ADCY2: variants seen among roughly 807,000 people sequenced by gnomAD.
ADCY2 encodes adenylate cyclase type 2.
A neutral mutation model predicts 125.2 loss-of-function variants in ADCY2; 31 were observed. The ratio of observed to expected loss-of-function variants is 0.25; its 90% CI spans 0.19 to 0.33. ADCY2 has a LOEUF of 0.33. Among genes scored for constraint, ADCY2 ranks in the 10% least tolerant of loss-of-function variants. The probability of loss-of-function intolerance (pLI) is 1.00; values close to 1 mark genes in which losing one functional copy is unlikely to be tolerated. For missense variants in ADCY2, 904 were observed against 1,418.2 expected, an observed-to-expected ratio of 0.64 and a Z score of 5.82; for synonymous variants, 512 against 548.4, an observed-to-expected ratio of 0.93 and a Z score of 0.93.
At chr5:7,501,412 T>C (rs1391844005) in intron 2 of ADCY2, among the ~76,000 whole-genome samples, 1 of 152,184 alleles carries the variant, frequency 6.6e-6, no homozygotes, top group Non-Finnish European at 1.5e-5. Flanking sequence ...TATTAAGATA[T>C]TGATGCTTTT....
chr5:7,544,293 T>A (rs1409840944), intron 3 of ADCY2, among the ~76,000 whole-genome samples: 2 of 152,202 alleles, frequency 1.3e-5, no homozygotes, highest in East Asian at 3.9e-4. Context: ...ATACACATTT[T>A]ACAGTGTTGG....
At chr5:7,457,142 A>T (rs1050300257) in intron 2 of ADCY2, among the ~76,000 whole-genome samples, 6 of 152,200 alleles carry the variant, frequency 3.9e-5, no homozygotes, top group African/African-American at 1.4e-4. Flanking sequence ...GAAATTTTTT[A>T]CAGAATGTCC....
chr5:7,455,094 G>A (rs913062112), intron 2 of ADCY2, among the ~76,000 whole-genome samples: 5 of 152,078 alleles, frequency 3.3e-5, no homozygotes, highest in Non-Finnish European at 7.4e-5. Flanking sequence ...GTGAAATTGG[G>A]TTTTCTTCTT....
At chr5:7,797,393 A>C (rs1744454516) in intron 20 of ADCY2, 2 of 152,252 alleles carry the variant, frequency 1.3e-5, no homozygotes, top group South Asian at 2.1e-4. Flanking sequence ...AGAACACTCC[A>C]ACCCCCATGC....
intron 4 of ADCY2, among the ~76,000 whole-genome samples, chr5:7,667,158 A>T (rs149440528): frequency 6.6e-6 from 1 of 152,164 alleles, no homozygotes; most frequent in Non-Finnish European, 1.5e-5. Flanking sequence ...AGAAGGGGAG[A>T]GGATTACTGC....
At chr5:7,776,697 G>T (rs1560981143) in intron 18 of ADCY2, among the ~76,000 whole-genome samples, 1 of 152,188 alleles carries the variant, frequency 6.6e-6, no homozygotes. Flanking sequence ...CCCACCCTCA[G>T]TGTGATGGGC....
chr5:7,816,736 T>A, intron 22 of ADCY2, 130 bp from the exon 23 acceptor site: 1 of 678,092 alleles, frequency 1.5e-6, no homozygotes, highest in South Asian at 1.8e-5. Context: ...TTATAGAATG[T>A]TTGCAGTGCC....
chr5:7,720,695 CT>C (rs1741730618), intron 12 of ADCY2, among the ~76,000 whole-genome samples: 1 of 152,106 alleles, frequency 6.6e-6, no homozygotes, highest in Non-Finnish European at 1.5e-5. Flanking sequence ...TGATTTCCAG[CT>C]TCATCCATGT....
chr5:7,786,336 C>T (rs1744081450), intron 19 of ADCY2, among the ~76,000 whole-genome samples: 2 of 152,158 alleles, frequency 1.3e-5, no homozygotes, highest in Admixed American at 1.3e-4. Flanking sequence ...AGGTATATCA[C>T]AAAACACTCC....
chr5:7,623,974 T>C (rs1273060376), intron 3 of ADCY2, among the ~76,000 whole-genome samples: 1 of 152,152 alleles, frequency 6.6e-6, no homozygotes, highest in Admixed American at 6.5e-5. Flanking sequence ...AACTGGACAT[T>C]ATGGGGGTTA....
At chr5:7,623,604 T>C (rs1738027754) in intron 3 of ADCY2, among the ~76,000 whole-genome samples, 2 of 152,258 alleles carry the variant, frequency 1.3e-5, no homozygotes, top group Admixed American at 1.3e-4. Context: ...AGGACTGACA[T>C]TCCCAGAAAA....
chr5:7,632,634 T>C (rs1364030708), intron 4 of ADCY2, among the ~76,000 whole-genome samples: 1 of 152,180 alleles, frequency 6.6e-6, no homozygotes, highest in Non-Finnish European at 1.5e-5. Context: ...CATCACAGTG[T>C]TTGCTATTCC....
intron 3 of ADCY2, among the ~76,000 whole-genome samples, chr5:7,563,352 T>C (rs897328293): frequency 6.6e-6 from 1 of 152,172 alleles, no homozygotes; most frequent in African/African-American, 2.4e-5. Context: ...GAGCATACCC[T>C]GCAAAAGAAA....
chr5:7,654,721 A>T lies in ADCY2; in HGVS notation c.720+28405A>T, dbSNP rs1365235591. The stretch of plus-strand genomic sequence containing the variant: ...TTCCTTGCCCTCCACCCATGCAAAC[A>T]CAGAGGGGTGGAAAACGGGAGCAGT... On this transcript the variant is annotated intron_variant, in intron 4 of 24. Coordinates refer to ENST00000338316, the MANE Select transcript of ADCY2 (RefSeq NM_020546.3). Among the ~76,000 whole-genome samples, 6 of 152,274 alleles carry T rather than the reference A, an allele frequency of 3.9e-5. No homozygotes were observed. In the East Asian group the frequency reaches 9.7e-4, roughly 25 times the overall value.
At chr5:7,444,420 T>C (rs1221939849) in intron 2 of ADCY2, among the ~76,000 whole-genome samples, 1 of 152,112 alleles carries the variant, frequency 6.6e-6, no homozygotes, top group Non-Finnish European at 1.5e-5. Context: ...GGGGCTGTTT[T>C]TATCTTTTTA....
chr5:7,804,069 A>AGAGAGAGAGAGAGAGC (rs1553990875), intron 21 of ADCY2, among the ~76,000 whole-genome samples: 2,043 of 140,320 alleles, frequency 0.015, 31 homozygotes, highest in Non-Finnish European at 0.017. Flanking sequence ...AGAGAGAGAG[A>AGAGAGAGAGAGAGAGC]GAGAGCTGGT....
intron 7 of ADCY2, among the ~76,000 whole-genome samples, chr5:7,705,842 T>C (rs1297702800): frequency 1.3e-5 from 2 of 152,230 alleles, no homozygotes; most frequent in Non-Finnish European, 2.9e-5. Context: ...TCCGTTTTGT[T>C]TGATCATTTT....
intron 3 of ADCY2, among the ~76,000 whole-genome samples, chr5:7,546,993 C>T (rs1022272056): frequency 5.3e-5 from 8 of 152,172 alleles, no homozygotes; most frequent in African/African-American, 1.9e-4. Flanking sequence ...TGTCTTTCTT[C>T]CCATCATTTT....
intron 3 of ADCY2, among the ~76,000 whole-genome samples, chr5:7,579,868 G>A: frequency 6.6e-6 from 1 of 152,188 alleles, no homozygotes; most frequent in Non-Finnish European, 1.5e-5. Flanking sequence ...TCACCTAAGT[G>A]GCCACCAGCA....
Sources: gnomAD v4.1 joint callset for allele counts (sites outside exome capture counted in the v4.1 genomes callset) on GRCh38, gnomAD v4.1.1 for gene constraint, MANE v1.5 for transcripts, NCBI Gene and HGNC (gene_info 2026-07-23, HGNC 2026-07-21) for gene names.